UBE3C: variants seen among roughly 807,000 people sequenced by gnomAD.
UBE3C encodes ubiquitin-protein ligase E3C.
A neutral mutation model predicts 129.4 loss-of-function variants in UBE3C; 42 were observed. That is an observed-to-expected ratio of 0.32 (90% CI 0.25 to 0.42). The LOEUF (loss-of-function observed/expected upper bound fraction) is 0.42, where lower values mean the gene tolerates loss of function less well. UBE3C is among the 10% of genes least tolerant of loss of function. The pLI is 1.00. For missense variants in UBE3C, 1,049 were observed against 1,319.1 expected, an observed-to-expected ratio of 0.80 and a Z score of 3.17; for synonymous variants, 510 against 492.4, an observed-to-expected ratio of 1.04 and a Z score of -0.47.
intron 22 of UBE3C, among the ~76,000 whole-genome samples, chr7:157,262,477 T>C (rs117094664): frequency 7.9e-6 from 1 of 125,960 alleles, no homozygotes; most frequent in Non-Finnish European, 1.6e-5. Flanking sequence ...TGGAGTACAA[T>C]GGCCCATCTC....
chr7:157,230,755 G>A (rs913082181), intron 17 of UBE3C, among the ~76,000 whole-genome samples: 4 of 149,468 alleles, frequency 2.7e-5, no homozygotes, highest in African/African-American at 4.9e-5. Flanking sequence ...GTATTGGGCC[G>A]CATTCAAAGC....
chr7:157,233,031 G>C (rs891797529), intron 18 of UBE3C, among the ~76,000 whole-genome samples: 1 of 151,890 alleles, frequency 6.6e-6, no homozygotes, highest in African/African-American at 2.4e-5. Flanking sequence ...GAAACGCTAG[G>C]TAGTCACTCC....
chr7:157,154,470 TGA>T (rs553098238), intron 1 of UBE3C, among the ~76,000 whole-genome samples: 48 of 152,334 alleles, frequency 3.2e-4, no homozygotes, highest in African/African-American at 9.9e-4. Context: ...TCAGTTAAAA[TGA>T]GAGATCATAT....
intron 12 of UBE3C, 56 bp downstream of exon 12, chr7:157,207,611 A>G (rs1359367025): frequency 1.3e-6 from 2 of 1,592,040 alleles, no homozygotes; most frequent in Non-Finnish European, 1.7e-6. Flanking sequence ...CAGTTTTCAT[A>G]GACAGTAGAA....
chr7:157,243,165 C>T (rs1018128436), intron 18 of UBE3C, among the ~76,000 whole-genome samples: 3 of 152,206 alleles, frequency 2.0e-5, no homozygotes, highest in African/African-American at 7.2e-5. Context: ...ACGTGTCCTC[C>T]ACGGTCCCCA....
chr7:157,153,830 A>T (rs1400442598), intron 1 of UBE3C, among the ~76,000 whole-genome samples: 1 of 151,108 alleles, frequency 6.6e-6, no homozygotes, highest in Non-Finnish European at 1.5e-5. Flanking sequence ...TACAAAACAA[A>T]CAAACAAACA....
At position 157,253,972 on chromosome 7, in the gene UBE3C, G is replaced by A. The variant is rs757498613; in HGVS notation, c.2713G>A (p.Gly905Ser). Residue 905 changes from glycine (G) to serine (S), a missense_variant, in exon 20 of 23, where the codon GGT becomes AGT. Physicochemically the swap from Gly to Ser is moderately conservative, Grantham distance 56 (BLOSUM62 0). Around this residue, in one of 4 missense-constraint regions of UBE3C, gnomAD observed 243 missense variants for 368.7 expected, o/e 0.66. Transcript: ENST00000348165. Reference sequence around the variant, plus strand: ...TTCCCAGGTAGTTGAACTAAAATTCGGTGGGAAAGACATCCCTGTCACCAG... The same window carrying A: ...TTCCCAGGTAGTTGAACTAAAATTCAGTGGGAAAGACATCCCTGTCACCAG... ...GEAQVVELKF[G>S]GKDIPVTSAN... 6.9e-6 allele frequency: 11 copies of A among 1,585,414 alleles called. No homozygotes were observed. The highest frequency in any genetic ancestry group is 3.4e-5 in the South Asian group (3 of 87,206).
At chr7:157,156,631 C>G (rs548897153) in intron 1 of UBE3C, among the ~76,000 whole-genome samples, 1 of 151,488 alleles carries the variant, frequency 6.6e-6, no homozygotes, top group East Asian at 1.9e-4. Context: ...TACATTCACA[C>G]TCTATTTTGG....
At chr7:157,150,685 A>G (rs558294733) in intron 1 of UBE3C, among the ~76,000 whole-genome samples, 1 of 152,376 alleles carries the variant, frequency 6.6e-6, no homozygotes, top group South Asian at 2.1e-4. Context: ...ATTTATGAAC[A>G]TGATTTATTG....
At position 157,200,534 on chromosome 7, in the gene UBE3C, A is replaced by G. The variant is rs988923158; in HGVS notation, c.1332-1187A>G. 2.6e-5 allele frequency among the ~76,000 whole-genome samples: 4 copies of G among 152,368 alleles called. No homozygotes were observed. The South Asian group carries it at 6.2e-4, about 24-fold the overall frequency. On this transcript the variant is annotated intron_variant, in intron 10 of 22. Coordinates refer to ENST00000348165, the MANE Select transcript of UBE3C (RefSeq NM_014671.3). ...TGGCTAGAATGTTTATCCTGTCACA[A>G]ACATGCAGTATAAAACAGAGCTAAT...
chr7:157,239,602 G>A (rs1360513225), intron 18 of UBE3C, among the ~76,000 whole-genome samples: 4 of 152,200 alleles, frequency 2.6e-5, no homozygotes, highest in African/African-American at 9.6e-5. Context: ...GTTACAAGAG[G>A]AAGGATCGGA....
chr7:157,151,930 G>A (rs900719504), intron 1 of UBE3C, among the ~76,000 whole-genome samples: 9 of 152,122 alleles, frequency 5.9e-5, no homozygotes, highest in Non-Finnish European at 1.2e-4. Context: ...GCACAGCCTC[G>A]TACCCAGAAG....
chr7:157,225,624 G>A, intron 17 of UBE3C, 85 bp downstream of exon 17: 3 of 1,412,540 alleles, frequency 2.1e-6, no homozygotes, highest in Non-Finnish European at 2.8e-6. Flanking sequence ...AAAAATTAGT[G>A]TCCATCATCT....
At chr7:157,230,619 C>T (rs1038978724) in intron 17 of UBE3C, among the ~76,000 whole-genome samples, 7 of 148,104 alleles carry the variant, frequency 4.7e-5, no homozygotes, top group African/African-American at 1.5e-4. Context: ...CACTTGAACC[C>T]GGGAGGCGGA....
chr7:157,205,147 C>G (rs1809398115), intron 11 of UBE3C, among the ~76,000 whole-genome samples: 2 of 152,178 alleles, frequency 1.3e-5, no homozygotes. Context: ...GTGTTTATAG[C>G]AGAAAGAATG....
intron 10 of UBE3C, among the ~76,000 whole-genome samples, chr7:157,196,947 C>A (rs1809137229): frequency 6.6e-6 from 1 of 152,064 alleles, no homozygotes; most frequent in Non-Finnish European, 1.5e-5. Flanking sequence ...CCAGGCTGGG[C>A]AACAAGAGCA....
chr7:157,180,118 C>T lies in UBE3C; in HGVS notation c.616+1271C>T, dbSNP rs544537246. Among the ~76,000 whole-genome samples, 23 of 152,204 alleles carry T rather than the reference C, an allele frequency of 1.5e-4. No homozygotes were observed. The South Asian group carries it at 3.7e-3, about 25-fold the overall frequency. The stretch of plus-strand genomic sequence containing the variant: ...CTTAAAAATCTTACACAGAAACTGC[C>T]GCTTCTAGCATCTTCTGTGGTACAG... On this transcript the variant is annotated intron_variant, in intron 6 of 22. Coordinates refer to ENST00000348165, the MANE Select transcript of UBE3C (RefSeq NM_014671.3).
intron 10 of UBE3C, chr7:157,192,459 A>G: frequency 5.3e-6 from 4 of 748,260 alleles, no homozygotes; most frequent in Non-Finnish European, 9.9e-6. Context: ...GCCAAGATCC[A>G]GGATAAGGAA....
intron 5 of UBE3C, among the ~76,000 whole-genome samples, chr7:157,175,651 G>A (rs1808497456): frequency 6.6e-6 from 1 of 151,970 alleles, no homozygotes; most frequent in Non-Finnish European, 1.5e-5. Flanking sequence ...GACACTGTCT[G>A]TAATATTTGT....
Sources: gnomAD v4.1 joint callset for allele counts (sites outside exome capture counted in the v4.1 genomes callset) on GRCh38, gnomAD v4.1.1 for gene constraint, gnomAD v4.1.1 regional missense constraint, MANE v1.5 for transcripts, NCBI Gene and HGNC (gene_info 2026-07-23, HGNC 2026-07-21) for gene names.